Variants in CCSER1 observed in about 807,000 individuals in gnomAD.
CCSER1 encodes coiled-coil serine rich protein 1, also known as serine-rich coiled-coil domain-containing protein 1.
CCSER1 carries 41 observed loss-of-function variants against 82.0 expected under a neutral mutation model. The observed-to-expected ratio is 0.50, with a 90% CI of 0.39 to 0.65. The LOEUF (loss-of-function observed/expected upper bound fraction) is 0.65, where lower values mean the gene tolerates loss of function less well. Among genes scored for constraint, CCSER1 ranks in the 30% least tolerant of loss-of-function variants. CCSER1 has a pLI of 0.00. For missense variants in CCSER1, 1,119 were observed against 1,064.2 expected, an observed-to-expected ratio of 1.05 and a Z score of -0.72; for synonymous variants, 414 against 383.9, an observed-to-expected ratio of 1.08 and a Z score of -0.92.
At chr4:91,150,530 G>A (rs183120947) in intron 10 of CCSER1, among the ~76,000 whole-genome samples, 7 of 152,314 alleles carry the variant, frequency 4.6e-5, no homozygotes, top group African/African-American at 1.4e-4. Flanking sequence ...AATAGGAGTG[G>A]TGAGAGAGGG....
intron 9 of CCSER1, among the ~76,000 whole-genome samples, chr4:91,043,650 G>T (rs1742179928): frequency 7.1e-6 from 1 of 140,426 alleles, no homozygotes; most frequent in African/African-American, 2.6e-5. Context: ...GAGTGCAGTG[G>T]TGTGATCTCA....
chr4:91,049,859 A>G (rs1742842426), intron 9 of CCSER1, among the ~76,000 whole-genome samples: 1 of 152,216 alleles, frequency 6.6e-6, no homozygotes, highest in Non-Finnish European at 1.5e-5. Flanking sequence ...TTACATTTCT[A>G]TCATAACTTG....
intron 10 of CCSER1, among the ~76,000 whole-genome samples, chr4:91,559,585 A>G (rs1027656993): frequency 6.6e-6 from 1 of 151,486 alleles, no homozygotes. Context: ...GGATTACTTT[A>G]TATTTATGAA....
chr4:90,723,514 A>G (rs1477287745), intron 6 of CCSER1, among the ~76,000 whole-genome samples: 2 of 151,960 alleles, frequency 1.3e-5, no homozygotes, highest in Admixed American at 1.3e-4. Context: ...TTATAGAAGA[A>G]AAACTGTAAT....
intron 10 of CCSER1, among the ~76,000 whole-genome samples, chr4:91,564,385 T>C (rs1004428538): frequency 1.3e-5 from 2 of 152,018 alleles, no homozygotes; most frequent in African/African-American, 4.8e-5. Context: ...AGTAGAATGA[T>C]TTATATTCCT....
At chr4:90,713,518 A>C (rs753734069) in intron 6 of CCSER1, among the ~76,000 whole-genome samples, 1 of 151,396 alleles carries the variant, frequency 6.6e-6, no homozygotes, top group Admixed American at 6.6e-5. Flanking sequence ...GTCCACTTTT[A>C]GTCTGATGGG....
intron 9 of CCSER1, among the ~76,000 whole-genome samples, chr4:91,059,404 G>T (rs1743764006): frequency 7.0e-6 from 1 of 143,592 alleles, no homozygotes. Context: ...TTATTTTGTG[G>T]TTTGTTTTTG....
chr4:90,218,007 C>T (rs950780806), intron 1 of CCSER1, among the ~76,000 whole-genome samples: 4 of 151,910 alleles, frequency 2.6e-5, no homozygotes, highest in African/African-American at 9.7e-5. Flanking sequence ...TACTATGTTG[C>T]CCAAGCTGGT....
Position 90,797,290 on chromosome 4 carries a change from ACTAGGATTGCAACC to A in CCSER1, c.2011-18468_2011-18455del, listed in dbSNP as rs58514258. Among the ~76,000 whole-genome samples, 833 of 152,194 alleles carry A rather than the reference ACTAGGATTGCAACC, an allele frequency of 5.5e-3. 7 individuals carry two copies. The highest frequency in any genetic ancestry group is 0.019 in the African/African-American group (790 of 41,518). On this transcript the variant is annotated intron_variant, in intron 7 of 10. Coordinates refer to ENST00000509176, the MANE Select transcript of CCSER1 (RefSeq NM_001145065.2). Reference sequence around the variant, plus strand: ...TGGTTTAAAGTCTGTTTTGGCTGAAACTAGGATTGCAACCCTACTTTTATCTGTTTTCCATTTGC... The same window carrying A: ...TGGTTTAAAGTCTGTTTTGGCTGAAACTACTTTTATCTGTTTTCCATTTGC...
chr4:90,274,351 G>T (rs1727146079), intron 1 of CCSER1, among the ~76,000 whole-genome samples: 1 of 152,130 alleles, frequency 6.6e-6, no homozygotes. Flanking sequence ...GGAAAAAATA[G>T]CTCATTAAAG....
chr4:91,295,690 G>T (rs1237701642), intron 10 of CCSER1, among the ~76,000 whole-genome samples: 5 of 151,848 alleles, frequency 3.3e-5, no homozygotes, highest in Non-Finnish European at 7.4e-5. Flanking sequence ...AAACCTCTAG[G>T]TTTGTTTGTT....
intron 6 of CCSER1, among the ~76,000 whole-genome samples, chr4:90,663,441 A>T (rs1198474083): frequency 6.6e-6 from 1 of 152,190 alleles, no homozygotes; most frequent in East Asian, 1.9e-4. Flanking sequence ...GGAACCTTAA[A>T]AATACCAATG....
chr4:91,152,513 T>C (rs542996591), intron 10 of CCSER1, among the ~76,000 whole-genome samples: 1 of 152,336 alleles, frequency 6.6e-6, no homozygotes, highest in East Asian at 1.9e-4. Context: ...ATTCAGCCCA[T>C]TTACATTTAA....
chr4:90,250,034 A>G (rs1054291101), intron 1 of CCSER1, among the ~76,000 whole-genome samples: 1 of 152,010 alleles, frequency 6.6e-6, no homozygotes, highest in Non-Finnish European at 1.5e-5. Context: ...GGTCATTTAT[A>G]TATCTTCTTT....
rs144810686 is a variant in CCSER1, at chr4:90,399,371, G to A, written c.1510-665G>A. Reference sequence around the variant, plus strand: ...TGCAAGTCAATAATTAATTTTAATCGAATTAATATAGATTGTTTTCCTGCC... The same window carrying A: ...TGCAAGTCAATAATTAATTTTAATCAAATTAATATAGATTGTTTTCCTGCC... On this transcript the variant is annotated intron_variant, in intron 3 of 10. Coordinates refer to ENST00000509176, the MANE Select transcript of CCSER1 (RefSeq NM_001145065.2). 2.2e-4 allele frequency among the ~76,000 whole-genome samples: 33 copies of A among 151,968 alleles called. 1 individual carries two copies. Among genetic ancestry groups the A allele is most frequent in the Middle Eastern group, 6.8e-3 (2 of 294 alleles).
intron 9 of CCSER1, among the ~76,000 whole-genome samples, chr4:91,079,087 G>T (rs1722372815): frequency 6.6e-6 from 1 of 152,220 alleles, no homozygotes; most frequent in Middle Eastern, 3.4e-3. Context: ...ACGCCACAAA[G>T]ATACTCCTCG....
At chr4:90,659,585 AC>A (rs1331071965) in intron 6 of CCSER1, among the ~76,000 whole-genome samples, 2 of 152,044 alleles carry the variant, frequency 1.3e-5, no homozygotes, top group African/African-American at 2.4e-5. Flanking sequence ...TATTATTATA[AC>A]ATTTTTATCA....
chr4:90,315,903 T>C (rs1277505738), intron 3 of CCSER1, among the ~76,000 whole-genome samples: 1 of 152,246 alleles, frequency 6.6e-6, no homozygotes, highest in Admixed American at 6.5e-5. Context: ...TAGTTCTAGA[T>C]ACATGTGAAA....
intron 9 of CCSER1, among the ~76,000 whole-genome samples, chr4:90,961,170 G>A (rs1370053126): frequency 6.6e-6 from 1 of 152,080 alleles, no homozygotes; most frequent in Non-Finnish European, 1.5e-5. Context: ...GGTTAAAATT[G>A]CTTACCTGTC....
Sources: allele counts gnomAD v4.1 joint callset (sites outside exome capture counted in the v4.1 genomes callset), GRCh38; gene constraint gnomAD v4.1.1; transcripts MANE v1.5; gene names NCBI Gene and HGNC (gene_info 2026-07-23, HGNC 2026-07-21).